Variants in METTL15 observed in about 807,000 individuals in gnomAD.
METTL15 encodes the protein methyltransferase 15, mitochondrial 12S rRNA N4-cytidine.
A neutral mutation model predicts 38.3 loss-of-function variants in METTL15; 34 were observed. The ratio of observed to expected loss-of-function variants is 0.89; its 90% CI spans 0.68 to 1.18. The LOEUF (loss-of-function observed/expected upper bound fraction) is 1.18, where lower values mean the gene tolerates loss of function less well. METTL15 is among the 50% of genes most tolerant of loss of function. The pLI, the probability that METTL15 is intolerant of heterozygous loss-of-function variation, is 0.00. For synonymous variants in METTL15, 162 were observed against 170.9 expected, an observed-to-expected ratio of 0.95 and a Z score of 0.41; for missense variants, 438 against 498.4, an observed-to-expected ratio of 0.88 and a Z score of 1.15.
rs772360932 is a variant in METTL15 at position 28,455,874 on chromosome 11, T to C, written c.*424+31510T>C. Among the ~76,000 whole-genome samples, 88 of 151,906 alleles carry C rather than the reference T, an allele frequency of 5.8e-4. 1 individual carries two copies. The highest frequency in any genetic ancestry group is 1.1e-3 in the Non-Finnish European group (77 of 67,966). ...GGTGCCCGCTACCACACCCAGCTAA[T>C]TTTTTGTATTTTTAGTAGAGATGGG... On this transcript the variant is annotated intron_variant and NMD_transcript_variant, in intron 6 of 7. Transcript: ENST00000532947.
At chr11:28,168,062 G>A (rs759367568) in intron 3 of METTL15, among the ~76,000 whole-genome samples, 35 of 152,040 alleles carry the variant, frequency 2.3e-4, no homozygotes, top group Non-Finnish European at 3.8e-4. Context: ...TACATTTAGG[G>A]AAAGATTCCT....
chr11:28,304,022 A>C (rs1170447913), intron 6 of METTL15, among the ~76,000 whole-genome samples: 1 of 152,200 alleles, frequency 6.6e-6, no homozygotes, highest in African/African-American at 2.4e-5. Flanking sequence ...ATGACTAATA[A>C]ATGACATTTA....
intron 4 of METTL15, among the ~76,000 whole-genome samples, chr11:28,262,477 A>G (rs1298142222): frequency 6.6e-6 from 1 of 151,874 alleles, no homozygotes; most frequent in Non-Finnish European, 1.5e-5. Flanking sequence ...ATGTGTATGC[A>G]TAAACATTCG....
intron 5 of METTL15, among the ~76,000 whole-genome samples, chr11:28,423,635 T>G (rs1395590703): frequency 2.0e-5 from 3 of 152,020 alleles, no homozygotes; most frequent in African/African-American, 7.2e-5. Flanking sequence ...TCACTTATTT[T>G]GGGAAGCTAA....
chr11:28,389,653 C>G (rs1193277750), intron 5 of METTL15, among the ~76,000 whole-genome samples: 1 of 151,788 alleles, frequency 6.6e-6, no homozygotes, highest in African/African-American at 2.4e-5. Flanking sequence ...TGGGTTGGTT[C>G]CAGGTCTTTG....
intron 3 of METTL15, among the ~76,000 whole-genome samples, chr11:28,161,698 A>G (rs1850471446): frequency 2.0e-5 from 3 of 151,934 alleles, no homozygotes; most frequent in Non-Finnish European, 4.4e-5. Context: ...AATTGAATAG[A>G]AAATATGACT....
At chr11:28,270,642 T>C (rs904358539) in intron 4 of METTL15, among the ~76,000 whole-genome samples, 16 of 152,206 alleles carry the variant, frequency 1.1e-4, no homozygotes, top group Admixed American at 6.5e-5. Context: ...ATAGGTGTAG[T>C]TGGAACTACC....
At chr11:28,478,596 C>T (rs1438577784) in intron 6 of METTL15, among the ~76,000 whole-genome samples, 5 of 152,108 alleles carry the variant, frequency 3.3e-5, no homozygotes, top group African/African-American at 7.2e-5. Context: ...TTGGTATCCC[C>T]GCTTTTGATG....
chr11:28,145,845 A>T (rs1175818822), intron 3 of METTL15: 1 of 152,000 alleles, frequency 6.6e-6, no homozygotes, highest in Admixed American at 6.6e-5. Flanking sequence ...AAAGTCTGTA[A>T]TTGAATTATA....
intron 6 of METTL15, among the ~76,000 whole-genome samples, chr11:28,521,175 TC>T (rs1271299360): frequency 6.6e-6 from 1 of 152,212 alleles, no homozygotes; most frequent in East Asian, 1.9e-4. Context: ...TCCTGTACAA[TC>T]CTGATGTGGC....
chr11:28,298,628 G>A (rs1256232362), intron 6 of METTL15, among the ~76,000 whole-genome samples: 1 of 152,012 alleles, frequency 6.6e-6, no homozygotes, highest in African/African-American at 2.4e-5. Context: ...AACAATTTAA[G>A]TACCTTCAGA....
At chr11:28,197,699 T>C (rs868319728) in intron 3 of METTL15, 1 of 259,304 alleles carries the variant, frequency 3.9e-6, no homozygotes, top group Middle Eastern at 4.7e-4. Flanking sequence ...TATGTGCATA[T>C]ATGTAATTGT....
chr11:28,339,533 C>CAA lies in METTL15; in HGVS notation c.*190-12545_*190-12544dup, dbSNP rs147944774. Among the ~76,000 whole-genome samples, 795 of 117,944 alleles carry CAA rather than the reference C, an allele frequency of 6.7e-3. 6 individuals are homozygous for CAA. The highest frequency in any genetic ancestry group is 0.018 in the East Asian group (76 of 4,194). The allele number at this position is 117,944 out of a possible 152,430, so 77.4% of individuals were successfully genotyped here. A position where few individuals can be genotyped will look rare whatever the true frequency, so the allele number is the denominator to read the frequency against. On this transcript the variant is annotated intron_variant and NMD_transcript_variant, in intron 3 of 7. Coordinates refer to the METTL15 transcript ENST00000532947. ...AGCATAATGAGACATAAAGAGAATG[C>CAA]AAAAAAAAAAAAACTGTACAAAAGA...
At chr11:28,255,425 G>A (rs1336656095) in intron 4 of METTL15, among the ~76,000 whole-genome samples, 3 of 152,048 alleles carry the variant, frequency 2.0e-5, no homozygotes, top group Non-Finnish European at 4.4e-5. Context: ...TTTCTAATTT[G>A]GATGCTCTTT....
intron 3 of METTL15, among the ~76,000 whole-genome samples, chr11:28,190,791 A>G (rs1336537537): frequency 6.6e-6 from 1 of 151,348 alleles, no homozygotes; most frequent in Non-Finnish European, 1.5e-5. Context: ...AAATTAATAC[A>G]AATTAAAATG....
At chr11:28,237,600 C>G (rs1854062168) in intron 4 of METTL15, among the ~76,000 whole-genome samples, 1 of 152,222 alleles carries the variant, frequency 6.6e-6, no homozygotes, top group African/African-American at 2.4e-5. Flanking sequence ...CTTCTCTCAA[C>G]TCGTCAAAGT....
chr11:28,108,984 A>T (rs1456898195), intron 1 of METTL15, among the ~76,000 whole-genome samples: 1 of 152,164 alleles, frequency 6.6e-6, no homozygotes, highest in African/African-American at 2.4e-5. Flanking sequence ...TGTTCTATAT[A>T]TTACTGTTAT....
chr11:28,130,050 A>T (rs986250213), intron 3 of METTL15, among the ~76,000 whole-genome samples: 1 of 152,110 alleles, frequency 6.6e-6, no homozygotes, highest in African/African-American at 2.4e-5. Context: ...TGGCTCACGC[A>T]TATAATCCCA....
intron 5 of METTL15, among the ~76,000 whole-genome samples, chr11:28,416,386 T>G (rs1291812935): frequency 1.3e-5 from 2 of 152,186 alleles, no homozygotes. Context: ...GGAAGCAAGC[T>G]CAGGGCCATT....
Sources: allele counts gnomAD v4.1 joint callset (sites outside exome capture counted in the v4.1 genomes callset), GRCh38; gene constraint gnomAD v4.1.1; transcripts MANE v1.5; gene names NCBI Gene and HGNC (gene_info 2026-07-23, HGNC 2026-07-21).